The following ADGRA2 variants were observed in gnomAD, a reference collection of about 807,000 sequenced individuals.
ADGRA2 encodes adhesion G protein-coupled receptor A2, also known as G-protein coupled receptor 124.
ADGRA2 carries 61 observed loss-of-function variants against 98.7 expected under a neutral mutation model. That is an observed-to-expected ratio of 0.62 (90% CI 0.50 to 0.76). The LOEUF is 0.76. Ranked by LOEUF, ADGRA2 falls within the 30% of genes least tolerant of loss-of-function variation. The pLI is 0.00. For synonymous variants in ADGRA2, 858 were observed against 831.5 expected, an observed-to-expected ratio of 1.03 and a Z score of -0.55; for missense variants, 1,712 against 1,860.0, an observed-to-expected ratio of 0.92 and a Z score of 1.46.
At chr8:37,822,156 A>G (rs1463800092) in intron 2 of ADGRA2, among the ~76,000 whole-genome samples, 2 of 152,078 alleles carry the variant, frequency 1.3e-5, no homozygotes, top group African/African-American at 4.8e-5. Flanking sequence ...GGAGGATGGG[A>G]CTAGAACCTC....
chr8:37,830,549 C>T lies in ADGRA2; in HGVS notation c.719-161C>T, dbSNP rs914967611. On this transcript the variant is annotated intron_variant, in intron 6 of 18. Coordinates refer to ENST00000412232, the MANE Select transcript of ADGRA2 (RefSeq NM_032777.10). The surrounding 1 kb of genome is among the most constrained non-coding windows in gnomAD (Gnocchi z 4.8). ...CGCCTGTCCCTCCCCTTTACCCTTA[C>T]CCCTAGAGACTTTCTCTTGACCCCT... Among the ~76,000 whole-genome samples, 1 of 152,210 alleles carries T rather than the reference C, an allele frequency of 6.6e-6. No individual in the cohort carries two copies. Among genetic ancestry groups the T allele is most frequent in the Non-Finnish European group, 1.5e-5 (1 of 68,032 alleles).
chr8:37,816,971 CACACAT>C (rs1230216463), intron 2 of ADGRA2, among the ~76,000 whole-genome samples: 10 of 143,224 alleles, frequency 7.0e-5, no homozygotes, highest in African/African-American at 2.7e-4. Flanking sequence ...CACACACACA[CACACAT>C]AGATTAGGGC....
chr8:37,842,651 G>C lies in ADGRA2; in HGVS notation c.*296G>C, dbSNP rs978987375. On this transcript the variant is annotated 3_prime_UTR_variant, in exon 19 of 19. Transcript: ENST00000412232. ...TGTGAAAGGGCACAGCACATCCCAG[G>C]TGCACCCTCCCCAAGTACTCCCACC... is the stretch of plus-strand genomic sequence containing the variant. The C allele has an allele frequency of 2.9e-6, 1 of 344,200 alleles. No homozygotes were observed. The highest frequency in any genetic ancestry group is 4.9e-5 in the East Asian group (1 of 20,420). The allele number at this position is 344,200 out of a possible 1,614,324, so 21.3% of individuals were successfully genotyped here.
In ADGRA2 at chr8:37,842,268, G is replaced by A; in HGVS notation, c.3930G>A (p.Lys1310=). 6.4e-7 allele frequency: 1 copy of A among 1,570,880 alleles called. No homozygotes were observed. The highest frequency in any genetic ancestry group is 8.6e-7 in the Non-Finnish European group (1 of 1,160,290). The change falls in exon 19 of 19, where the codon AAG becomes AAA. Residue 1310 remains lysine, a synonymous_variant. Transcript: ENST00000412232. The part of the protein sequence containing the change: ...ASLNGAPKGG[K]YDDVTLMGAE... Reference sequence around the variant, plus strand: ...TAAACGGCGCCCCCAAGGGGGGCAAGTACGACGACGTCACCCTGATGGGCG... The same window carrying A: ...TAAACGGCGCCCCCAAGGGGGGCAAATACGACGACGTCACCCTGATGGGCG...
In ADGRA2 at chr8:37,814,762, G is replaced by A; in HGVS notation, c.267-134G>A. 1.5e-6 allele frequency: 1 copy of A among 683,306 alleles called. No individual in the cohort carries two copies. The highest frequency in any genetic ancestry group is 2.7e-6 in the Non-Finnish European group (1 of 372,304). The allele number at this position is 683,306 out of a possible 1,614,324, so 42.3% of individuals were successfully genotyped here. ...CTCCCTGTAATCTCCGGAAGTAGAGGGTGGGGGCTGCTGCCTCGCACAACT... is the reference window on the plus strand; with the variant it reads ...CTCCCTGTAATCTCCGGAAGTAGAGAGTGGGGGCTGCTGCCTCGCACAACT... On this transcript the variant is annotated intron_variant, in intron 1 of 18. Coordinates refer to ENST00000412232, the MANE Select transcript of ADGRA2 (RefSeq NM_032777.10). This position sits in a 1 kb window ranked among gnomAD's most constrained non-coding sequence, Gnocchi z 4.3.
chr8:37,840,964 C>A, intron 18 of ADGRA2, 115 bp downstream of exon 18: 2 of 1,190,442 alleles, frequency 1.7e-6, no homozygotes, highest in South Asian at 1.4e-5. Flanking sequence ...CAAGCCCATG[C>A]ATGCTGACCA....
In ADGRA2 at chr8:37,830,851, C is replaced by T; in HGVS notation, c.860C>T (p.Pro287Leu). The T allele has an allele frequency of 6.3e-7, 1 of 1,594,118 alleles. No homozygotes were observed. The highest frequency in any genetic ancestry group is 8.5e-7 in the Non-Finnish European group (1 of 1,170,504). ...TRIRWYHNRA[P>L]VEGDEQAGIL... ...ATCCGCTGGTACCACAACCGAGCCC[C>T]TGTGGAGGGTGATGAGCAGGCGGGC... The change falls in exon 7 of 19, where the codon CCT becomes CTT. Residue 287 changes from proline (P) to leucine (L), a missense_variant. By Grantham distance (98) the Pro-to-Leu change is moderately conservative. Coordinates refer to ENST00000412232, the MANE Select transcript of ADGRA2 (RefSeq NM_032777.10). The surrounding 1 kb of genome is among the most constrained non-coding windows in gnomAD (Gnocchi z 4.8).
At chr8:37,812,621 C>T (rs1323085101) in intron 1 of ADGRA2, among the ~76,000 whole-genome samples, 14 of 151,622 alleles carry the variant, frequency 9.2e-5, no homozygotes, top group Non-Finnish European at 1.2e-4. Context: ...AGCGAGACTC[C>T]GTCTCAAAAA....
At position 37,831,361 on chromosome 8, in the gene ADGRA2, G is replaced by A. The variant is rs950895326; in HGVS notation, c.933-62G>A. ...AGCTAGTGTTGTAGGACGGTGCTGA[G>A]GGAGGGCAACGTGGCTGGGCCCAAG... On this transcript the variant is annotated intron_variant, in intron 7 of 18. Transcript: ENST00000412232. 4.2e-5 allele frequency: 64 copies of A among 1,531,990 alleles called. No homozygotes were observed. The South Asian group carries it at 5.0e-4, about 12-fold the overall frequency. 94.9% of individuals were successfully genotyped at this position (1,531,990 alleles called of 1,614,324 possible).
rs535547181 is a variant in ADGRA2 at position 37,830,824 on chromosome 8, G to A, written c.833G>A (p.Arg278His). ...CSASYLGNDTRIRWYHNRAPV... is the reference protein window; with the variant it reads ...CSASYLGNDTHIRWYHNRAPV... Reference sequence around the variant, plus strand: ...GCCAGCTACCTGGGCAACGACACCCGCATCCGCTGGTACCACAACCGAGCC... The same window carrying A: ...GCCAGCTACCTGGGCAACGACACCCACATCCGCTGGTACCACAACCGAGCC... The change falls in exon 7 of 19, where the codon CGC becomes CAC. Residue 278 changes from arginine (R) to histidine (H), a missense_variant. Coordinates refer to ENST00000412232, the MANE Select transcript of ADGRA2 (RefSeq NM_032777.10). The surrounding 1 kb of genome is among the most constrained non-coding windows in gnomAD (Gnocchi z 4.8). The A allele has an allele frequency of 2.2e-5, 35 of 1,589,516 alleles. No homozygotes were observed. Among genetic ancestry groups the A allele is most frequent in the South Asian group, 2.2e-4 (19 of 87,268 alleles).
In ADGRA2 at chr8:37,841,328, G is replaced by T; in HGVS notation, c.2990G>T (p.Ser997Ile). 6.2e-7 allele frequency: 1 copy of T among 1,606,186 alleles called. No individual in the cohort carries two copies. Among genetic ancestry groups the T allele is most frequent in the Non-Finnish European group, 8.5e-7 (1 of 1,176,608 alleles). Residue 997 changes from serine to isoleucine, a missense_variant, in exon 19 of 19, where the codon AGC becomes ATC. Ser to Ile is a moderately radical substitution (Grantham distance 142). Coordinates refer to ENST00000412232, the MANE Select transcript of ADGRA2 (RefSeq NM_032777.10). The surrounding 1 kb of genome is among the most constrained non-coding windows in gnomAD (Gnocchi z 5.0). The stretch of plus-strand genomic sequence containing the variant: ...TCAGGTTCCCTTCTTGCTACTGGGA[G>T]CGCGCGAGTGGGGACGCCCGGGCCC... ...SDSGSLLATGSARVGTPGPPE... is the reference protein window; with the variant it reads ...SDSGSLLATGIARVGTPGPPE...
rs532078731 is a variant in ADGRA2 at position 37,829,741 on chromosome 8, G to A, written c.555-110G>A. The stretch of plus-strand genomic sequence containing the variant: ...GGGCAGAGATGGTGCACATAGACCC[G>A]ATTTTGCCCCTCCTACCCTCTCCAG... On this transcript the variant is annotated intron_variant, in intron 5 of 18. Coordinates refer to ENST00000412232, the MANE Select transcript of ADGRA2 (RefSeq NM_032777.10). The A allele has an allele frequency of 6.6e-5, 76 of 1,156,974 alleles. No individual in the cohort carries two copies. In the East Asian group the frequency reaches 1.3e-3, roughly 19 times the overall value. 71.7% of individuals were successfully genotyped at this position (1,156,974 alleles called of 1,614,324 possible).
chr8:37,840,865 TC>T lies in ADGRA2; in HGVS notation c.2747+19del. 1 of 667,504 alleles carries T rather than the reference TC, an allele frequency of 1.5e-6. No individual in the cohort carries two copies. The highest frequency in any genetic ancestry group is 2.3e-6 in the Non-Finnish European group (1 of 442,342). 41.3% of individuals were successfully genotyped at this position (667,504 alleles called of 1,614,324 possible). On this transcript the variant is annotated intron_variant, in intron 18 of 18. Coordinates refer to ENST00000412232, the MANE Select transcript of ADGRA2 (RefSeq NM_032777.10). ...ACAGCCCCTAGTGAGCACCCCTCCC[TC>T]CCGCCCCAAGCCTACCTACCTAACA...
intron 2 of ADGRA2, among the ~76,000 whole-genome samples, chr8:37,822,074 G>A (rs1805142646): frequency 6.6e-6 from 1 of 152,146 alleles, no homozygotes; most frequent in African/African-American, 2.4e-5. Flanking sequence ...TGCCATGGTA[G>A]CCCCCATGCC....
chr8:37,803,899 C>G (rs1804576260), intron 1 of ADGRA2, among the ~76,000 whole-genome samples: 1 of 152,112 alleles, frequency 6.6e-6, no homozygotes, highest in Admixed American at 6.5e-5. Flanking sequence ...GGTCTCAGGG[C>G]CCCCTCTACC....
chr8:37,844,174 CAGT>C lies in ADGRA2; in HGVS notation c.*1820_*1822del. 1 of 320,950 alleles carries C rather than the reference CAGT, an allele frequency of 3.1e-6. No individual in the cohort carries two copies. The highest frequency in any genetic ancestry group is 5.2e-5 in the South Asian group (1 of 19,190). 19.9% of individuals were successfully genotyped at this position (320,950 alleles called of 1,614,324 possible). A position where few individuals can be genotyped will look rare whatever the true frequency, so the allele number is the denominator to read the frequency against. On this transcript the variant is annotated 3_prime_UTR_variant, in exon 19 of 19. Coordinates refer to ENST00000412232, the MANE Select transcript of ADGRA2 (RefSeq NM_032777.10). ...CTCAGGCCTGCAGGAGGAGCCGCAG[CAGT>C]GTGTCCAATTCAAACCAGCAGCAAA...
intron 7 of ADGRA2, 81 bp from the exon 8 acceptor site, chr8:37,831,342 T>C (rs994797736): frequency 3.1e-6 from 4 of 1,290,448 alleles, no homozygotes; most frequent in Middle Eastern, 2.4e-4. Context: ...CTGCAGCTAG[T>C]GTTGTAGGAC....
intron 1 of ADGRA2, among the ~76,000 whole-genome samples, chr8:37,810,423 C>T (rs1378588667): frequency 2.0e-5 from 3 of 151,896 alleles, no homozygotes; most frequent in African/African-American, 2.4e-5. Context: ...GTAGGAGAAT[C>T]GCTTGAACCC....
Position 37,844,263 on chromosome 8 carries a change from C to G in ADGRA2, c.*1908C>G, listed in dbSNP as rs1805904652. 3.5e-6 allele frequency: 2 copies of G among 566,674 alleles called. No homozygotes were observed. Among genetic ancestry groups the G allele is most frequent in the South Asian group, 4.9e-5 (2 of 40,496 alleles). The allele number at this position is 566,674 out of a possible 1,614,324, so 35.1% of individuals were successfully genotyped here. A position where few individuals can be genotyped will look rare whatever the true frequency, so the allele number is the denominator to read the frequency against. On this transcript the variant is annotated 3_prime_UTR_variant, in exon 19 of 19. Coordinates refer to ENST00000412232, the MANE Select transcript of ADGRA2 (RefSeq NM_032777.10). ...CCATCTCACAGAACATGGACATAGG[C>G]AACTTGCTCTCCCACACCAAGGGAT...
Sources: allele counts gnomAD v4.1 joint callset (sites outside exome capture counted in the v4.1 genomes callset), GRCh38; gene constraint gnomAD v4.1.1; non-coding constraint Gnocchi (gnomAD v3.1); transcripts MANE v1.5; gene names NCBI Gene and HGNC (gene_info 2026-07-23, HGNC 2026-07-21).